Variants in RBM25 observed in about 807,000 individuals in gnomAD.
RBM25 encodes RNA-binding protein 25.
Under a neutral mutation model 120.7 loss-of-function variants are expected in RBM25, and 19 were observed. The ratio of observed to expected loss-of-function variants is 0.16; its 90% CI spans 0.11 to 0.23. The LOEUF is 0.23. Ranked by LOEUF, RBM25 falls within the 10% of genes least tolerant of loss-of-function variation. The probability of loss-of-function intolerance (pLI) is 1.00; values close to 1 mark genes in which losing one functional copy is unlikely to be tolerated. For synonymous variants in RBM25, 390 were observed against 326.7 expected (o/e 1.19, Z -2.09); for missense variants, 605 against 1,041.5 (o/e 0.58, Z 5.77).
rs71112704 is a variant in RBM25 at position 73,117,210 on chromosome 14, C to CTTTTTTTTTTTTTTT, written c.2440-2483_2440-2469dup. ...TTTCTTTTAATTTCTTTCTTCTTTT[C>CTTTTTTTTTTTTTTT]TTTTTTTTTTTTTTTTTTTTTTTTT... On this transcript the variant is annotated intron_variant, in intron 18 of 18. Transcript: ENST00000261973. Among the ~76,000 whole-genome samples, 79 of 49,428 alleles carry CTTTTTTTTTTTTTTT rather than the reference C, an allele frequency of 1.6e-3. 7 individuals carry two copies. The highest frequency in any genetic ancestry group is 2.0e-3 in the African/African-American group (26 of 13,236). The allele number at this position is 49,428 out of a possible 152,430, so 32.4% of individuals were successfully genotyped here.
intron 17 of RBM25, 112 bp downstream of exon 17, chr14:73,112,362 C>T: frequency 1.9e-6 from 2 of 1,045,764 alleles, no homozygotes; most frequent in South Asian, 2.5e-5. Context: ...GGTTTAGGTT[C>T]AGTTAAGTGA....
At chr14:73,065,429 A>AT (rs112029341) in intron 1 of RBM25, among the ~76,000 whole-genome samples, 3,637 of 134,030 alleles carry the variant, frequency 0.027, 145 homozygotes, top group African/African-American at 0.087. Context: ...TGCCCAGCTA[A>AT]TTTTTTTTTT....
chr14:73,121,607 A>T lies in RBM25; in HGVS notation c.*1802A>T, dbSNP rs1896542420. The T allele has an allele frequency of 6.6e-6, 1 of 152,204 alleles. No individual in the cohort carries two copies. Among genetic ancestry groups the T allele is most frequent in the African/African-American group, 2.4e-5 (1 of 41,460 alleles). 9.4% of individuals were successfully genotyped at this position (152,204 alleles called of 1,614,324 possible). A position where few individuals can be genotyped will look rare whatever the true frequency, so the allele number is the denominator to read the frequency against. Reference sequence around the variant, plus strand: ...TCAGTCTTTTCTTAGACACACCCCCAGCCTAAGACCTTGTTCGAGGAGTTT... The same window carrying T: ...TCAGTCTTTTCTTAGACACACCCCCTGCCTAAGACCTTGTTCGAGGAGTTT... On this transcript the variant is annotated 3_prime_UTR_variant, in exon 19 of 19. Transcript: ENST00000261973.
At chr14:73,062,769 C>G (rs1325534001) in intron 1 of RBM25, among the ~76,000 whole-genome samples, 1 of 151,234 alleles carries the variant, frequency 6.6e-6, no homozygotes, top group Non-Finnish European at 1.5e-5. Context: ...AATGCATATA[C>G]TTGTGTGACC....
At chr14:73,103,585 TGA>T in intron 10 of RBM25, 107 bp downstream of exon 10, 1 of 1,439,848 alleles carries the variant, frequency 6.9e-7, no homozygotes, top group Non-Finnish European at 9.2e-7. Context: ...TGTGTGTGTG[TGA>T]GACATTCTCA....
At chr14:73,087,058 G>GA (rs58796144) in intron 5 of RBM25, among the ~76,000 whole-genome samples, 149,257 of 152,292 alleles carry the variant, frequency 0.98, 73,153 homozygotes, top group East Asian at 1. Flanking sequence ...ATATCACACT[G>GA]AAATGTCAAA....
At position 73,120,943 on chromosome 14, in the gene RBM25, G is replaced by A. The variant is rs1896530224; in HGVS notation, c.*1138G>A. ...TGTTTTCATTTTTGTCTTGTAGAAG[G>A]TTTATATCTTGTTTTACCTTGGCTC... On this transcript the variant is annotated 3_prime_UTR_variant, in exon 19 of 19. Coordinates refer to ENST00000261973, the MANE Select transcript of RBM25 (RefSeq NM_021239.3). 6.6e-6 allele frequency: 1 copy of A among 152,100 alleles called. No homozygotes were observed. The highest frequency in any genetic ancestry group is 1.5e-5 in the Non-Finnish European group (1 of 68,006). 9.4% of individuals were successfully genotyped at this position (152,100 alleles called of 1,614,324 possible).
chr14:73,100,031 A>C (rs1195890765), intron 9 of RBM25: 1 of 474,290 alleles, frequency 2.1e-6, no homozygotes, highest in East Asian at 3.4e-5. Context: ...ATAAACATCA[A>C]GGTCAGACTT....
chr14:73,096,999 G>C lies in RBM25; in HGVS notation c.628G>C (p.Ala210Pro). 2 of 1,613,732 alleles carry C rather than the reference G, an allele frequency of 1.2e-6. No homozygotes were observed. The highest frequency in any genetic ancestry group is 1.7e-5 in the Admixed American group (1 of 59,968). Reference sequence around the variant, plus strand: ...GAGGAGAGATCAGATGATTAAAGGGGCTATTGAAGTTTTAATTCGTGAATA... The same window carrying C: ...GAGGAGAGATCAGATGATTAAAGGGCCTATTGAAGTTTTAATTCGTGAATA... ...TKRRDQMIKG[A>P]IEVLIREYSS... Residue 210 changes from alanine (A) to proline (P), a missense_variant, in exon 7 of 19, where the codon GCT becomes CCT. Around this residue, in one of 4 missense-constraint regions of RBM25, gnomAD observed 465 missense variants for 741.6 expected, o/e 0.63. Coordinates refer to ENST00000261973, the MANE Select transcript of RBM25 (RefSeq NM_021239.3).
intron 18 of RBM25, among the ~76,000 whole-genome samples, chr14:73,115,869 A>G (rs538630561): frequency 2.0e-5 from 3 of 152,324 alleles, no homozygotes; most frequent in South Asian, 2.1e-4. Context: ...GTTCAAGTCT[A>G]TATGTGATAG....
chr14:73,088,525 CTT>C (rs1321452842), intron 6 of RBM25: 1 of 393,800 alleles, frequency 2.5e-6, no homozygotes, highest in Non-Finnish European at 5.0e-6. Flanking sequence ...GTTTCCCTCT[CTT>C]TTAGAAGTAC....
intron 1 of RBM25, chr14:73,069,779 A>AAAAAAAAAAAAAT (rs1895234317): frequency 1.6e-5 from 2 of 125,248 alleles, no homozygotes; most frequent in Admixed American, 1.6e-4. Context: ...AAAAAAAAAA[A>AAAAAAAAAAAAAT]GTGTGTTGCT....
In RBM25 at chr14:73,079,564, A is replaced by G. The variant is rs1895510312; in HGVS notation, c.324+2028A>G. Among the ~76,000 whole-genome samples, 3 of 150,552 alleles carry G rather than the reference A, an allele frequency of 2.0e-5. 1 individual carries two copies. The highest frequency in any genetic ancestry group is 4.5e-5 in the Non-Finnish European group (3 of 67,104). ...CCAGGGTTATCTCAACCTGTGGTTCACCTCATGAGTAGTTCAGTATGAGTC... is the reference window on the plus strand; with the variant it reads ...CCAGGGTTATCTCAACCTGTGGTTCGCCTCATGAGTAGTTCAGTATGAGTC... On this transcript the variant is annotated intron_variant, in intron 4 of 18. Transcript: ENST00000261973.
chr14:73,100,165 G>A (rs948158751), intron 9 of RBM25: 9 of 502,184 alleles, frequency 1.8e-5, no homozygotes, highest in African/African-American at 1.8e-4. Context: ...TTTTATATTT[G>A]TATAGATTTA....
At chr14:73,065,416 C>CCGCCCCTGACCGAGAG in intron 1 of RBM25, among the ~76,000 whole-genome samples, 1 of 150,536 alleles carries the variant, frequency 6.6e-6, no homozygotes, top group Non-Finnish European at 1.5e-5. Flanking sequence ...GGGTGAGCCA[C>CCGCCCCTGACCGAGAG]TGTGCCCAGC....
At position 73,085,316 on chromosome 14, in the gene RBM25, C is replaced by CAAGATGTAGTTTCACTCTTG. The variant is rs1366247189; in HGVS notation, c.382+1765_382+1766insAAGATGTAGTTTCACTCTTG. On this transcript the variant is annotated intron_variant, in intron 5 of 18. Coordinates refer to ENST00000261973, the MANE Select transcript of RBM25 (RefSeq NM_021239.3). ...ACAGACGTGAGCCACCGCGCCCGGC[C>CAAGATGTAGTTTCACTCTTG]TCATCAGTAGTCTGTTTTGAAGAAT... is the stretch of plus-strand genomic sequence containing the variant. 3.0e-3 allele frequency among the ~76,000 whole-genome samples: 448 copies of CAAGATGTAGTTTCACTCTTG among 148,274 alleles called. 2 individuals carry two copies. Among genetic ancestry groups the CAAGATGTAGTTTCACTCTTG allele is most frequent in the East Asian group, 5.2e-3 (25 of 4,812 alleles).
intron 9 of RBM25, chr14:73,100,372 A>C (rs1050254760): frequency 3.1e-6 from 2 of 643,972 alleles, no homozygotes; most frequent in African/African-American, 3.6e-5. Context: ...TGTAAGTATG[A>C]GCTTCTGTTT....
chr14:73,061,312 G>T (rs1018732916), intron 1 of RBM25, among the ~76,000 whole-genome samples: 2 of 151,104 alleles, frequency 1.3e-5, no homozygotes, highest in Non-Finnish European at 3.0e-5. Flanking sequence ...ACCCGCCTTG[G>T]CCTCCCAAAG....
chr14:73,066,187 A>G (rs1468822719), intron 1 of RBM25, among the ~76,000 whole-genome samples: 1 of 152,128 alleles, frequency 6.6e-6, no homozygotes, highest in Non-Finnish European at 1.5e-5. Flanking sequence ...TACCACCCCC[A>G]GTTTTTGGTT....
Sources: allele counts gnomAD v4.1 joint callset (sites outside exome capture counted in the v4.1 genomes callset), GRCh38; gene constraint gnomAD v4.1.1; regional missense constraint gnomAD v4.1.1; transcripts MANE v1.5; gene names NCBI Gene and HGNC (gene_info 2026-07-23, HGNC 2026-07-21).